The following DBNDD2 variants were observed in gnomAD, a reference collection of about 807,000 sequenced individuals.
DBNDD2 encodes the protein dysbindin domain-containing protein 2.
Under a neutral mutation model 14.0 loss-of-function variants are expected in DBNDD2, and 8 were observed. The ratio of observed to expected loss-of-function variants is 0.57; its 90% CI spans 0.33 to 1.03. The LOEUF (loss-of-function observed/expected upper bound fraction) is 1.03, where lower values mean the gene tolerates loss of function less well. DBNDD2 is among the 50% of genes least tolerant of loss of function. The pLI is 0.03. For missense variants in DBNDD2, 194 were observed against 206.0 expected (o/e 0.94, Z 0.36); for synonymous variants, 94 against 85.3 (o/e 1.10, Z -0.56).
At chr20:45,407,295 A>G (rs1989493781), upstream of DBNDD2, 1 of 985,922 alleles carries the variant, frequency 1.0e-6, no homozygotes. Flanking sequence ...CCGCGGCCGC[A>G]CGGTCTCCCC....
At chr20:45,408,083 C>T (rs1279113842), upstream of DBNDD2, 29 of 1,474,292 alleles carry the variant, frequency 2.0e-5, no homozygotes, top group East Asian at 2.5e-5. Flanking sequence ...CTGAGGCAAG[C>T]GGGGCCAATT....
chr20:45,406,409 C>A, upstream of DBNDD2: 1 of 1,479,724 alleles, frequency 6.8e-7, no homozygotes, highest in Non-Finnish European at 9.0e-7. Flanking sequence ...GCGTCGGTGG[C>A]GAGGGTGGTG....
In DBNDD2 at chr20:45,408,393, A is replaced by G; in HGVS notation, c.-75A>G. 1.2e-6 allele frequency: 2 copies of G among 1,613,804 alleles called. No homozygotes were observed. Among genetic ancestry groups the G allele is most frequent in the Non-Finnish European group, 1.7e-6 (2 of 1,179,996 alleles). ...ATGCTGGCTGCAGTGGGGCGCCCCA[A>G]GCCCAGGTCCCCTCTGTCTTCTCTT... On this transcript the variant is annotated 5_prime_UTR_variant, in exon 1 of 3. Coordinates refer to ENST00000372710, the MANE Select transcript of DBNDD2 (RefSeq NM_001048225.4).
At chr20:45,408,159 G>A (rs1034785459), upstream of DBNDD2, 64 of 1,545,474 alleles carry the variant, frequency 4.1e-5, 1 homozygote, top group East Asian at 1.5e-3. Flanking sequence ...AGGAGGGCAT[G>A]ATATGGAGAG....
In DBNDD2 at chr20:45,408,379, AGTGGGGCGCC is replaced by A. The variant is rs1334057644; in HGVS notation, c.-88_-79del. ...GCCCCACTGTTGGGATGCTGGCTGC[AGTGGGGCGCC>A]CCAAGCCCAGGTCCCCTCTGTCTTC... On this transcript the variant is annotated 5_prime_UTR_variant, in exon 1 of 3. An upstream open reading frame in the 5' UTR loses its in-frame stop. Transcript: ENST00000372710. 1 of 1,613,164 alleles carries A rather than the reference AGTGGGGCGCC, an allele frequency of 6.2e-7. No homozygotes were observed. Among genetic ancestry groups the A allele is most frequent in the East Asian group, 2.2e-5 (1 of 44,870 alleles).
chr20:45,409,260 G>A (rs969380536), intron 2 of DBNDD2, among the ~76,000 whole-genome samples: 1 of 152,108 alleles, frequency 6.6e-6, no homozygotes, highest in African/African-American at 2.4e-5. Flanking sequence ...AGTAGTTTTA[G>A]TCATTATAAT....
chr20:45,407,598 G>A (rs758694792), upstream of DBNDD2: 1 of 987,476 alleles, frequency 1.0e-6, no homozygotes, highest in Non-Finnish European at 1.2e-6. Context: ...GGGGTCAGGA[G>A]GCCTGCTCTG....
chr20:45,409,723 T>C (rs1989733063), intron 2 of DBNDD2, among the ~76,000 whole-genome samples: 1 of 152,238 alleles, frequency 6.6e-6, no homozygotes, highest in Non-Finnish European at 1.5e-5. Context: ...TTCATTGACC[T>C]GACTGTAGAT....
At chr20:45,406,132 C>G (rs545591641), upstream of DBNDD2, 235 of 290,800 alleles carry the variant, frequency 8.1e-4, 1 homozygote, top group African/African-American at 4.7e-3. Flanking sequence ...CTGGGCGGCA[C>G]CGGGTCAGTG....
chr20:45,408,643 G>T, intron 1 of DBNDD2, 37 bp downstream of exon 1: 1 of 1,601,512 alleles, frequency 6.2e-7, no homozygotes, highest in South Asian at 1.1e-5. Flanking sequence ...ACTGGGGTAG[G>T]GTAGGGAGGA....
In DBNDD2 at chr20:45,408,474, C is replaced by G; in HGVS notation, c.7C>G (p.Pro3Ala). 1 of 1,614,252 alleles carries G rather than the reference C, an allele frequency of 6.2e-7. No individual in the cohort carries two copies. The highest frequency in any genetic ancestry group is 1.3e-5 in the African/African-American group (1 of 75,066). Residue 3 changes from proline to alanine, a missense_variant, in exon 1 of 3, where the codon CCA becomes GCA. By Grantham distance (27) the Pro-to-Ala change is conservative (BLOSUM62 -1). Transcript: ENST00000372710. The stretch of plus-strand genomic sequence containing the variant: ...TCTACCCGCAGGAGCTGACATGGAC[C>G]CAAATCCTCGGGCCGCCCTGGAGCG... MD[P>A]NPRAALERQQ...
In DBNDD2 at chr20:45,410,503, A is replaced by T. The variant is rs116437006; in HGVS notation, c.*363A>T. On this transcript the variant is annotated 3_prime_UTR_variant, in exon 3 of 3. Transcript: ENST00000372710. ...GACAAGTGTCTCTAGATGGATGTGA[A>T]CTCCTTAACTCATCAAGTAAGGTGG... 2.2e-3 allele frequency: 535 copies of T among 242,480 alleles called. 2 individuals are homozygous for T. Among genetic ancestry groups the T allele is most frequent in the African/African-American group, 0.011 (515 of 45,752 alleles). 15.0% of individuals were successfully genotyped at this position (242,480 alleles called of 1,614,324 possible). A position where few individuals can be genotyped will look rare whatever the true frequency, so the allele number is the denominator to read the frequency against.
upstream of DBNDD2, chr20:45,407,501 A>G: frequency 1.0e-6 from 1 of 985,772 alleles, no homozygotes; most frequent in African/African-American, 1.7e-5. Flanking sequence ...AACGCCGGGA[A>G]GGAGATGAGC....
upstream of DBNDD2, chr20:45,406,556 GC>G: frequency 6.7e-7 from 1 of 1,499,960 alleles, no homozygotes; most frequent in South Asian, 1.2e-5. Context: ...GCCCGCCACC[GC>G]CCCTCCCCCA....
upstream of DBNDD2, chr20:45,406,711 A>G: frequency 4.6e-6 from 6 of 1,300,640 alleles, no homozygotes; most frequent in Non-Finnish European, 5.8e-6. Flanking sequence ...GGACTGAGTC[A>G]GAGGGGGCGC....
At chr20:45,409,889 T>G (rs932689991) in intron 2 of DBNDD2, 43 bp from the exon 3 acceptor site, 27 of 1,545,614 alleles carry the variant, frequency 1.7e-5, no homozygotes, top group Non-Finnish European at 2.3e-5. Flanking sequence ...AAGAGTTCTC[T>G]GAAGCCCTGT....
upstream of DBNDD2, chr20:45,407,646 C>A (rs765992852): frequency 4.0e-5 from 40 of 988,810 alleles, no homozygotes; most frequent in Non-Finnish European, 4.7e-5. Context: ...TTGCTCCTCA[C>A]TGACTAATGG....
upstream of DBNDD2, chr20:45,406,650 G>C: frequency 7.4e-7 from 1 of 1,352,612 alleles, no homozygotes; most frequent in Non-Finnish European, 9.5e-7. Context: ...GCCCCACCCC[G>C]GCCGGCGCGG....
upstream of DBNDD2, chr20:45,406,336 C>A: frequency 9.9e-7 from 1 of 1,010,922 alleles, no homozygotes; most frequent in East Asian, 3.2e-5. Context: ...GGGCGCCCGC[C>A]GCGGGTCTGC....
Sources: gnomAD v4.1 joint callset for allele counts (sites outside exome capture counted in the v4.1 genomes callset) on GRCh38, gnomAD v4.1.1 for gene constraint, MANE v1.5 for transcripts, NCBI Gene and HGNC (gene_info 2026-07-23, HGNC 2026-07-21) for gene names.